HLA-DPA1: variants seen among roughly 807,000 people sequenced by gnomAD.
HLA-DPA1 encodes the protein major histocompatibility complex, class II, DP alpha 1, also known as HLA class II histocompatibility antigen, DP alpha 1 chain.
In HLA-DPA1, 20 loss-of-function variants were observed where a neutral mutation model predicts 21.5. The ratio of observed to expected loss-of-function variants is 0.93; its 90% CI spans 0.66 to 1.35. The LOEUF (loss-of-function observed/expected upper bound fraction) is 1.35, where lower values mean the gene tolerates loss of function less well. Among genes scored for constraint, HLA-DPA1 ranks in the 40% most tolerant of loss-of-function variants. HLA-DPA1 has a pLI of 0.00. For synonymous variants in HLA-DPA1, 123 were observed against 129.6 expected (o/e 0.95, Z 0.35); for missense variants, 279 against 323.0 (o/e 0.86, Z 1.05).
chr6:33,072,991 T>C (rs1485081207), intron 2 of HLA-DPA1, among the ~76,000 whole-genome samples: 1 of 152,068 alleles, frequency 6.6e-6, no homozygotes, highest in East Asian at 1.9e-4. Context: ...AGTCCATAGC[T>C]CGGAGTTCCT....
At chr6:33,072,547 C>A (rs1480301923) in intron 2 of HLA-DPA1, among the ~76,000 whole-genome samples, 1 of 152,070 alleles carries the variant, frequency 6.6e-6, no homozygotes, top group African/African-American at 2.4e-5. Flanking sequence ...CTCAGGTGAC[C>A]GCGAACAGGG....
chr6:33,065,464 GGGAGAA>G (rs1761913819), intron 5 of HLA-DPA1, 117 bp from the exon 5 acceptor site: 1 of 152,358 alleles, frequency 6.6e-6, no homozygotes, highest in Admixed American at 6.5e-5. Context: ...TCAGGTCCCA[GGGAGAA>G]GGTGGTCATC....
intron 5 of HLA-DPA1, 129 bp downstream of exon 4, chr6:33,068,509 C>T (rs188946747): frequency 1.2e-5 from 8 of 691,848 alleles, no homozygotes; most frequent in Non-Finnish European, 2.0e-5. Flanking sequence ...AGTTAGTTAT[C>T]GGTGTTGTTG....
chr6:33,069,858 A>G, exon 3 of HLA-DPA1: 1 of 1,610,416 alleles, frequency 6.2e-7, no homozygotes, highest in Non-Finnish European at 8.5e-7. Context: ...GCGTCTGTAC[A>G]AACGCGGCAT....
At chr6:33,069,461 C>T in intron 3 of HLA-DPA1, 161 bp from the exon 3 acceptor site, 2 of 1,031,622 alleles carry the variant, frequency 1.9e-6, no homozygotes, top group South Asian at 1.6e-5. Context: ...CTCTGCTCAC[C>T]TTTCTCTCTC....
At chr6:33,074,904 T>C (rs1011276091) in intron 1 of HLA-DPA1, among the ~76,000 whole-genome samples, 6 of 152,230 alleles carry the variant, frequency 3.9e-5, no homozygotes, top group African/African-American at 1.4e-4. Context: ...CTAGACACCT[T>C]CTACTACATA....
intron 2 of HLA-DPA1, among the ~76,000 whole-genome samples, chr6:33,073,174 C>G (rs1333521317): frequency 6.6e-6 from 1 of 152,182 alleles, no homozygotes; most frequent in Non-Finnish European, 1.5e-5. Flanking sequence ...ACTTATTCAT[C>G]TTTTTGAGCT....
At chr6:33,079,586 C>T (rs965959621) in intron 1 of HLA-DPA1, 34 of 423,106 alleles carry the variant, frequency 8.0e-5, no homozygotes, top group Non-Finnish European at 1.1e-4. Context: ...CAGTAGGGTT[C>T]GTAGAAGGTC....
exon 4 of HLA-DPA1, chr6:33,069,217 A>G: frequency 6.2e-7 from 1 of 1,613,014 alleles, no homozygotes; most frequent in East Asian, 2.2e-5. Context: ...ACTGGTGGGA[A>G]GAACTTGTCA....
rs1562140489 is a variant in HLA-DPA1, at chr6:33,076,924, T to TA, written c.-99-3256_-99-3255insT. Among the ~76,000 whole-genome samples, 325 of 151,740 alleles carry TA rather than the reference T, an allele frequency of 2.1e-3. 1 individual carries two copies. Among genetic ancestry groups the TA allele is most frequent in the African/African-American group, 7.3e-3 (304 of 41,392 alleles). On this transcript the variant is annotated intron_variant, in intron 1 of 5. Coordinates refer to ENST00000419277, the Ensembl canonical transcript of HLA-DPA1. ...CAGGATACTCTCAGGATATTTCTTT[T>TA]TATATATATATATACTTTAAGTTCT...
chr6:33,077,958 C>T (rs115244420), intron 1 of HLA-DPA1, among the ~76,000 whole-genome samples: 3,059 of 152,200 alleles, frequency 0.02, 42 homozygotes, highest in Middle Eastern at 0.078. Context: ...ACCAGCAGGA[C>T]GGCTCAGCCC....
exon 2 of HLA-DPA1, chr6:33,073,574 G>T (rs752086596): frequency 2.5e-6 from 4 of 1,607,454 alleles, no homozygotes; most frequent in Non-Finnish European, 3.4e-6. Flanking sequence ...GGCGCATGTT[G>T]TGGGGTCTAT....
intron 2 of HLA-DPA1, among the ~76,000 whole-genome samples, chr6:33,072,646 T>C (rs975853976): frequency 6.6e-6 from 1 of 152,202 alleles, no homozygotes; most frequent in Non-Finnish European, 1.5e-5. Flanking sequence ...GTGCATCTTG[T>C]ACGTTATGGA....
intron 4 of HLA-DPA1, 61 bp from the exon 4 acceptor site, chr6:33,068,865 T>C: frequency 1.1e-5 from 17 of 1,582,210 alleles, no homozygotes; most frequent in Non-Finnish European, 1.5e-5. Context: ...TGGCCTGGGA[T>C]GGTTGTGGGA....
At position 33,080,150 on chromosome 6, in the gene HLA-DPA1, A is replaced by C. The variant is rs1762757960; in HGVS notation, c.-100+530T>G. Among the ~76,000 whole-genome samples the C allele has an allele frequency of 1.3e-5, 2 of 152,222 alleles. No individual in the cohort carries two copies. Among genetic ancestry groups the C allele is most frequent in the African/African-American group, 4.8e-5 (2 of 41,458 alleles). ...CAAAACAACAGGAGCAAGTTGAGGA[A>C]TTCTCAAGAAACTGGTCGAGAAGAG... On this transcript the variant is annotated intron_variant, in intron 1 of 5. Coordinates refer to ENST00000419277, the Ensembl canonical transcript of HLA-DPA1. This position sits in a 1 kb window ranked among gnomAD's most constrained non-coding sequence, Gnocchi z 4.3.
chr6:33,065,507 G>A (rs1583079835), intron 5 of HLA-DPA1, 160 bp from the exon 5 acceptor site: 1 of 152,286 alleles, frequency 6.6e-6, no homozygotes, highest in Non-Finnish European at 1.5e-5. Flanking sequence ...TCCTCCAGGT[G>A]AAGAGCACAT....
intron 1 of HLA-DPA1, among the ~76,000 whole-genome samples, chr6:33,077,070 TC>T (rs1762577335): frequency 1.7e-5 from 1 of 58,660 alleles, no homozygotes. Flanking sequence ...CCCTCCCCCC[TC>T]CCCCCACCCC....
At chr6:33,069,487 G>T in intron 3 of HLA-DPA1, 154 bp downstream of exon 2, 2 of 1,099,034 alleles carry the variant, frequency 1.8e-6, no homozygotes, top group Non-Finnish European at 2.7e-6. Flanking sequence ...AAGAGAGGAT[G>T]CAAGCCCTTG....
intron 4 of HLA-DPA1, 61 bp from the exon 4 acceptor site, chr6:33,068,865 T>G: frequency 6.3e-7 from 1 of 1,582,210 alleles, no homozygotes; most frequent in Non-Finnish European, 8.6e-7. Flanking sequence ...TGGCCTGGGA[T>G]GGTTGTGGGA....
Sources: gnomAD v4.1 joint callset for allele counts (sites outside exome capture counted in the v4.1 genomes callset) on GRCh38, gnomAD v4.1.1 for gene constraint, Gnocchi (gnomAD v3.1) non-coding constraint, MANE v1.5 for transcripts, NCBI Gene and HGNC (gene_info 2026-07-23, HGNC 2026-07-21) for gene names.